ABCG1: variants seen among roughly 807,000 people sequenced by gnomAD.
The protein encoded by ABCG1 is ATP-binding cassette sub-family G member 1.
ABCG1 carries 29 observed loss-of-function variants against 69.2 expected under a neutral mutation model. The ratio of observed to expected loss-of-function variants is 0.42; its 90% CI spans 0.31 to 0.57. The LOEUF (loss-of-function observed/expected upper bound fraction) is 0.57. Ranked by LOEUF, ABCG1 falls within the 20% of genes least tolerant of loss-of-function variation. The pLI is 0.15. For missense variants in ABCG1, 718 were observed against 898.1 expected, an observed-to-expected ratio of 0.80 and a Z score of 2.56; for synonymous variants, 370 against 374.8, an observed-to-expected ratio of 0.99 and a Z score of 0.15.
At chr21:42,214,990 G>T (rs191355395), upstream of ABCG1, among the ~76,000 whole-genome samples, 1 of 152,160 alleles carries the variant, frequency 6.6e-6, no homozygotes. Context: ...AGATGTCCCC[G>T]GCCACACAGT....
intron 2 of ABCG1, among the ~76,000 whole-genome samples, chr21:42,210,519 T>C (rs1012364260): frequency 1.4e-4 from 21 of 152,204 alleles, no homozygotes; most frequent in African/African-American, 5.1e-4. Flanking sequence ...CTTTCTTCAT[T>C]TGAAGAAATG....
At chr21:42,216,563 C>A (rs1216552531), upstream of ABCG1, among the ~76,000 whole-genome samples, 1 of 152,182 alleles carries the variant, frequency 6.6e-6, no homozygotes, top group Non-Finnish European at 1.5e-5. Context: ...CAGGAGCAAG[C>A]CTGCAGCTGC....
chr21:42,223,183 T>C (rs553674752), intron 1 of ABCG1, among the ~76,000 whole-genome samples: 9 of 152,316 alleles, frequency 5.9e-5, no homozygotes, highest in East Asian at 3.9e-4. Flanking sequence ...CCTGCGTTTC[T>C]TACAGGTCTC....
At chr21:42,274,475 C>CTTTTT (rs57783276) in intron 4 of ABCG1, among the ~76,000 whole-genome samples, 5 of 128,994 alleles carry the variant, frequency 3.9e-5, no homozygotes, top group African/African-American at 9.1e-5. Context: ...TTTCCAGGGC[C>CTTTTT]TTTTTTTTTT....
intron 4 of ABCG1, among the ~76,000 whole-genome samples, chr21:42,274,156 C>T (rs2068667488): frequency 6.6e-6 from 1 of 152,206 alleles, no homozygotes; most frequent in African/African-American, 2.4e-5. Context: ...TCCTCATCTG[C>T]AAGACCGTAT....
At chr21:42,233,124 C>T (rs561304449) in intron 2 of ABCG1, among the ~76,000 whole-genome samples, 19 of 152,164 alleles carry the variant, frequency 1.2e-4, no homozygotes, top group East Asian at 3.8e-4. Context: ...TGAGTGGTGG[C>T]GGGTGGGCCT....
At position 42,287,808 on chromosome 21, in the gene ABCG1, C is replaced by T. The variant is rs2068971583; in HGVS notation, c.974-81C>T. ...ATGTAATCGCTTTAAAACATTCCCA[C>T]TTGAATAACGACTTTCGCATTTGGG... On this transcript the variant is annotated intron_variant, in intron 8 of 14. Transcript: ENST00000398449. The surrounding 1 kb of genome is among the most constrained non-coding windows in gnomAD (Gnocchi z 6.2). 2.8e-6 allele frequency: 4 copies of T among 1,421,594 alleles called. No homozygotes were observed. The highest frequency in any genetic ancestry group is 2.9e-5 in the African/African-American group (2 of 70,058). The allele number at this position is 1,421,594 out of a possible 1,614,324, so 88.1% of individuals were successfully genotyped here.
chr21:42,294,468 C>A, intron 13 of ABCG1, 74 bp from the exon 14 acceptor site: 2 of 1,201,244 alleles, frequency 1.7e-6, no homozygotes, highest in Non-Finnish European at 2.5e-6. Flanking sequence ...GGGAAGCTGG[C>A]GTGGGCGAGC....
chr21:42,226,379 A>G (rs2067817619), intron 2 of ABCG1, among the ~76,000 whole-genome samples: 1 of 152,182 alleles, frequency 6.6e-6, no homozygotes, highest in Non-Finnish European at 1.5e-5. Flanking sequence ...TCTTGAAAGG[A>G]TTCTTTTGTG....
At chr21:42,234,276 G>A (rs1368398426) in intron 2 of ABCG1, among the ~76,000 whole-genome samples, 1 of 152,070 alleles carries the variant, frequency 6.6e-6, no homozygotes, top group Non-Finnish European at 1.5e-5. Context: ...CTCTATAAGC[G>A]CCACTGAGAA....
At chr21:42,248,139 T>C (rs1179541076) in intron 2 of ABCG1, among the ~76,000 whole-genome samples, 1 of 152,212 alleles carries the variant, frequency 6.6e-6, no homozygotes, top group Non-Finnish European at 1.5e-5. Flanking sequence ...TAAAGAAGAT[T>C]AGGTTTCTTT....
intron 5 of ABCG1, among the ~76,000 whole-genome samples, chr21:42,279,236 A>C (rs1009243864): frequency 1.3e-5 from 2 of 151,966 alleles, no homozygotes; most frequent in African/African-American, 4.8e-5. Context: ...CTCGGCGTGG[A>C]GGAGGAGCCA....
chr21:42,206,399 C>T (rs555654862), intron 2 of ABCG1, among the ~76,000 whole-genome samples: 2,664 of 151,086 alleles, frequency 0.018, 79 homozygotes, highest in African/African-American at 0.061. Context: ...AACAAACAAA[C>T]AAACACAATC....
At chr21:42,219,095 C>T, upstream of ABCG1, 1 of 500,232 alleles carries the variant, frequency 2.0e-6, no homozygotes, top group Non-Finnish European at 2.8e-6. This position sits in a 1 kb window ranked among gnomAD's most constrained non-coding sequence, Gnocchi z 5.3. Context: ...GCGCTCGGGG[C>T]GGGGTCGGGC....
At chr21:42,205,388 C>G (rs1342635650) in intron 2 of ABCG1, among the ~76,000 whole-genome samples, 1 of 152,068 alleles carries the variant, frequency 6.6e-6, no homozygotes, top group African/African-American at 2.4e-5. Context: ...CACCTGAGGT[C>G]AGGAATTCAA....
chr21:42,237,426 T>G (rs1045013538), intron 2 of ABCG1, among the ~76,000 whole-genome samples: 2 of 152,174 alleles, frequency 1.3e-5, no homozygotes, highest in African/African-American at 4.8e-5. Flanking sequence ...GGGGAAGCCT[T>G]CCTTCATTCA....
chr21:42,261,089 G>A (rs913276292), intron 2 of ABCG1, among the ~76,000 whole-genome samples: 1 of 152,112 alleles, frequency 6.6e-6, no homozygotes, highest in Admixed American at 6.5e-5. Flanking sequence ...CCAAAGTGCT[G>A]GGATTACAGG....
chr21:42,206,663 C>T (rs888146218), intron 2 of ABCG1, among the ~76,000 whole-genome samples: 1 of 152,152 alleles, frequency 6.6e-6, no homozygotes, highest in Non-Finnish European at 1.5e-5. Flanking sequence ...CACTATGTTG[C>T]CCAGGCTGAT....
rs563205539 is a variant in ABCG1, at chr21:42,219,913, G to A, written c.42+609G>A. On this transcript the variant is annotated intron_variant, in intron 1 of 14. Coordinates refer to ENST00000398449, the MANE Select transcript of ABCG1 (RefSeq NM_016818.3). This position sits in a 1 kb window ranked among gnomAD's most constrained non-coding sequence, Gnocchi z 5.3. ...GGGGAGACCCGCGAGGGGCAAGCCC[G>A]GATTCCTGCCGGCCGCCTTTCTGCG... The A allele has an allele frequency of 1.1e-5, 17 of 1,549,486 alleles. No homozygotes were observed. In the Admixed American group the frequency reaches 1.4e-4, roughly 13 times the overall value.
Sources: allele counts gnomAD v4.1 joint callset (sites outside exome capture counted in the v4.1 genomes callset), GRCh38; gene constraint gnomAD v4.1.1; non-coding constraint Gnocchi (gnomAD v3.1); transcripts MANE v1.5; gene names NCBI Gene and HGNC (gene_info 2026-07-23, HGNC 2026-07-21).